NEK7: variants seen among roughly 807,000 people sequenced by gnomAD.
NEK7 encodes NIMA related kinase 7, also known as serine/threonine-protein kinase Nek7.
NEK7 carries 18 observed loss-of-function variants against 44.6 expected under a neutral mutation model. That is an observed-to-expected ratio of 0.40 (90% CI 0.28 to 0.60). NEK7 has a LOEUF of 0.60. Ranked by LOEUF, NEK7 falls within the 20% of genes least tolerant of loss-of-function variation. The pLI, the probability that NEK7 is intolerant of heterozygous loss-of-function variation, is 0.38. For missense variants in NEK7, 256 were observed against 366.5 expected (o/e 0.70, Z 2.46); for synonymous variants, 130 against 121.1 (o/e 1.07, Z -0.48).
intron 1 of NEK7, among the ~76,000 whole-genome samples, chr1:198,196,765 A>C (rs1198212426): frequency 6.6e-6 from 1 of 152,208 alleles, no homozygotes; most frequent in Non-Finnish European, 1.5e-5. Context: ...GGCCAAGTCC[A>C]GGTTATGTGG....
intron 1 of NEK7, among the ~76,000 whole-genome samples, chr1:198,168,822 C>T (rs1012852482): frequency 3.3e-5 from 5 of 151,934 alleles, no homozygotes; most frequent in African/African-American, 1.2e-4. Flanking sequence ...GGGACCATAG[C>T]AGGAGTGAGA....
chr1:198,216,664 A>G (rs1320201350), intron 1 of NEK7, among the ~76,000 whole-genome samples: 4 of 151,982 alleles, frequency 2.6e-5, no homozygotes, highest in African/African-American at 9.7e-5. Flanking sequence ...ATTTGAAAAG[A>G]TAAACAAAAT....
intron 6 of NEK7, among the ~76,000 whole-genome samples, chr1:198,278,559 C>T (rs1326188628): frequency 3.3e-5 from 5 of 151,742 alleles, no homozygotes; most frequent in African/African-American, 9.6e-5. Context: ...AAATATGTGC[C>T]TTATAGTGTT....
chr1:198,176,411 T>G (rs1186028550), intron 1 of NEK7, among the ~76,000 whole-genome samples: 1 of 152,170 alleles, frequency 6.6e-6, no homozygotes, highest in African/African-American at 2.4e-5. Context: ...CAGAGGCACA[T>G]AGGTATTAAA....
At chr1:198,224,384 A>C (rs767034585) in intron 1 of NEK7, among the ~76,000 whole-genome samples, 9 of 152,186 alleles carry the variant, frequency 5.9e-5, no homozygotes, top group Non-Finnish European at 1.2e-4. Flanking sequence ...AGGTTATACC[A>C]TATAGTGTAG....
chr1:198,262,787 A>C (rs1391839536), intron 4 of NEK7, 150 bp downstream of exon 4: 1 of 406,148 alleles, frequency 2.5e-6, no homozygotes, highest in Non-Finnish European at 4.4e-6. Flanking sequence ...AGTATACTGA[A>C]GAATGTAGTT....
intron 8 of NEK7, among the ~76,000 whole-genome samples, chr1:198,295,087 C>CAAA (rs113475655): frequency 8.6e-6 from 1 of 116,066 alleles, no homozygotes; most frequent in Admixed American, 8.7e-5. Context: ...CCTGAAACCT[C>CAAA]AAAAAAAAAA....
chr1:198,210,784 G>A (rs542937002), intron 1 of NEK7, among the ~76,000 whole-genome samples: 1 of 106,358 alleles, frequency 9.4e-6, no homozygotes. Context: ...ACGGAGTCTC[G>A]CTCTGTCGCC....
chr1:198,274,230 C>G (rs888119293), intron 5 of NEK7, among the ~76,000 whole-genome samples: 2 of 147,962 alleles, frequency 1.4e-5, no homozygotes, highest in Non-Finnish European at 3.0e-5. Flanking sequence ...TCAAAAACAC[C>G]TTGCACACCA....
intron 1 of NEK7, among the ~76,000 whole-genome samples, chr1:198,171,391 A>T (rs1571499183): frequency 6.6e-6 from 1 of 152,004 alleles, no homozygotes; most frequent in Non-Finnish European, 1.5e-5. Context: ...TCTTAAAAAT[A>T]CTTTATGGGC....
intron 7 of NEK7, among the ~76,000 whole-genome samples, chr1:198,283,990 A>G (rs1179501382): frequency 6.6e-6 from 1 of 152,108 alleles, no homozygotes; most frequent in Non-Finnish European, 1.5e-5. Context: ...CATTCTCCAG[A>G]CTTGTTATCT....
rs555007631 is a variant in NEK7 at position 198,238,355 on chromosome 1, G to A, written c.57+5718G>A. 5.9e-5 allele frequency among the ~76,000 whole-genome samples: 9 copies of A among 152,210 alleles called. No individual in the cohort carries two copies. The East Asian group carries it at 7.7e-4, about 13-fold the overall frequency. On this transcript the variant is annotated intron_variant, in intron 2 of 9. Coordinates refer to ENST00000367385, the MANE Select transcript of NEK7 (RefSeq NM_133494.3). ...CTCCTTTTTCAGAGGGGCAAGGGGC[G>A]GGGTGGGGTGAGGAACCACAGCTTT...
intron 5 of NEK7, among the ~76,000 whole-genome samples, chr1:198,273,720 GT>G (rs1239640550): frequency 1.3e-5 from 2 of 151,712 alleles, no homozygotes; most frequent in Middle Eastern, 3.4e-3. Context: ...GATCTCTGAG[GT>G]TTTTTTGTTG....
intron 1 of NEK7, among the ~76,000 whole-genome samples, chr1:198,192,478 C>T (rs1325589264): frequency 1.3e-5 from 2 of 152,000 alleles, no homozygotes; most frequent in African/African-American, 4.8e-5. Context: ...TGAAAGATTA[C>T]TCCAAAGTTT....
intron 1 of NEK7, among the ~76,000 whole-genome samples, chr1:198,178,689 G>T (rs67919109): frequency 0.15 from 22,341 of 149,380 alleles, 1,804 homozygotes; most frequent in East Asian, 0.23. Context: ...GCCATTTTTT[G>T]TTGTTGTTGT....
chr1:198,188,185 G>A (rs912788016), intron 1 of NEK7, among the ~76,000 whole-genome samples: 1 of 152,144 alleles, frequency 6.6e-6, no homozygotes, highest in Non-Finnish European at 1.5e-5. Context: ...ACCTTTTTTT[G>A]TTGTTGTTTT....
intron 3 of NEK7, among the ~76,000 whole-genome samples, chr1:198,258,283 A>C (rs534690616): frequency 6.6e-6 from 1 of 152,168 alleles, no homozygotes; most frequent in Non-Finnish European, 1.5e-5. Context: ...TACTAAAAAT[A>C]CAAAAATTAG....
chr1:198,168,012 G>A (rs903290195), intron 1 of NEK7, among the ~76,000 whole-genome samples: 1 of 152,046 alleles, frequency 6.6e-6, no homozygotes. Context: ...TCAGCGATTT[G>A]TTTTCACCTT....
intron 5 of NEK7, chr1:198,277,690 T>C (rs1654058064): frequency 4.2e-6 from 1 of 237,534 alleles, no homozygotes; most frequent in Admixed American, 5.5e-5. Flanking sequence ...AAGAAATTGT[T>C]TTATATAGAT....
Sources: gnomAD v4.1 joint callset for allele counts (sites outside exome capture counted in the v4.1 genomes callset) on GRCh38, gnomAD v4.1.1 for gene constraint, MANE v1.5 for transcripts, NCBI Gene and HGNC (gene_info 2026-07-23, HGNC 2026-07-21) for gene names.